Variants in COL6A3 observed in about 807,000 individuals in gnomAD.
The protein encoded by COL6A3 is collagen type VI alpha 3 chain.
A neutral mutation model predicts 274.1 loss-of-function variants in COL6A3; 137 were observed. That is an observed-to-expected ratio of 0.50 (90% CI 0.44 to 0.58). The LOEUF is 0.58. COL6A3 is among the 20% of genes least tolerant of loss of function. The pLI is 0.00. For missense variants in COL6A3, 3,950 were observed against 4,124.9 expected (o/e 0.96, Z 1.16); for synonymous variants, 1,650 against 1,650.6 (o/e 1.00, Z 0.01).
In COL6A3 at chr2:237,375,003, C is replaced by T. The variant is rs116238578; in HGVS notation, c.3088G>A (p.Val1030Met). 480 of 1,613,846 alleles carry T rather than the reference C, an allele frequency of 3.0e-4. 4 individuals carry two copies. The East Asian group carries it at 8.5e-3, about 29-fold the overall frequency. Residue 1030 changes from valine (V) to methionine (M), a missense_variant, in exon 8 of 44, where the codon GTG becomes ATG. Physicochemically the swap from Val to Met is conservative, Grantham distance 21. Transcript: ENST00000295550. The part of the protein sequence containing the change: ...APAPVSGEKD[V>M]VFLLDGSEGV... The stretch of plus-strand genomic sequence containing the variant: ...TCAGAGCCATCAAGCAGAAACACCA[C>T]GTCCTTTTCACCTGAAACTGGGAGG...
chr2:237,407,641 T>C lies in COL6A3; in HGVS notation c.-31+6312A>G, dbSNP rs187065348. On this transcript the variant is annotated intron_variant, in intron 1 of 43. Coordinates refer to ENST00000295550, the MANE Select transcript of COL6A3 (RefSeq NM_004369.4). The surrounding 1 kb of genome is among the most constrained non-coding windows in gnomAD (Gnocchi z 4.3). ...AAACTCCAGATTAATTACCCAGATA[T>C]TTGAAAAAATTACTTTAAAACATAT... is the stretch of plus-strand genomic sequence containing the variant. 2.0e-5 allele frequency among the ~76,000 whole-genome samples: 3 copies of C among 152,350 alleles called. No homozygotes were observed. The East Asian group carries it at 5.8e-4, about 29-fold the overall frequency.
intron 1 of COL6A3, among the ~76,000 whole-genome samples, chr2:237,412,848 G>A (rs576658738): frequency 6.6e-6 from 1 of 152,122 alleles, no homozygotes; most frequent in East Asian, 1.9e-4. Flanking sequence ...CCAGTCAGCC[G>A]GGGCCACAGC....
Position 237,364,448 on chromosome 2 carries a change from C to A in COL6A3, c.5839-20G>T. ...GACCACCTGCAGATAAGAGAGCTGTCAAATCCCAGGAAAACTAAAAAGGAG... is the reference window on the plus strand; with the variant it reads ...GACCACCTGCAGATAAGAGAGCTGTAAAATCCCAGGAAAACTAAAAAGGAG... On this transcript the variant is annotated intron_variant, in intron 12 of 43. Coordinates refer to ENST00000295550, the MANE Select transcript of COL6A3 (RefSeq NM_004369.4). This position sits in a 1 kb window ranked among gnomAD's most constrained non-coding sequence, Gnocchi z 4.6. The A allele has an allele frequency of 6.3e-7, 1 of 1,597,058 alleles. No homozygotes were observed. The highest frequency in any genetic ancestry group is 1.1e-5 in the South Asian group (1 of 90,754).
At chr2:237,396,143 T>C (rs2078435820) in intron 2 of COL6A3, among the ~76,000 whole-genome samples, 1 of 152,236 alleles carries the variant, frequency 6.6e-6, no homozygotes, top group Non-Finnish European at 1.5e-5. Flanking sequence ...ACCTGAGTCC[T>C]TTCCAGCTTG....
intron 1 of COL6A3, among the ~76,000 whole-genome samples, chr2:237,404,623 A>G (rs1277427602): frequency 2.6e-5 from 4 of 152,162 alleles, no homozygotes; most frequent in South Asian, 4.1e-4. Context: ...CTGTGCAGGG[A>G]GCATTGACAA....
At position 237,334,727 on chromosome 2, in the gene COL6A3, C is replaced by A; in HGVS notation, c.9128G>T (p.Arg3043Leu). The change falls in exon 41 of 44, where the codon CGC (arginine) becomes CTC (leucine). Residue 3043 changes from arginine to leucine, a missense_variant. Arg to Leu is a moderately radical substitution (Grantham distance 102). Transcript: ENST00000295550. ...VLKQNLTVTDRVIGGLLAGQT... is the reference protein window; with the variant it reads ...VLKQNLTVTDLVIGGLLAGQT... ...CCCAGCGAGCAGGCCTCCAATGACG[C>A]GGTCCGTGACCGTGAGGTTCTGCTT... The A allele has an allele frequency of 6.2e-7, 1 of 1,614,056 alleles. No individual in the cohort carries two copies. Among genetic ancestry groups the A allele is most frequent in the Non-Finnish European group, 8.5e-7 (1 of 1,180,030 alleles).
rs2106367128 is a variant in COL6A3, at chr2:237,379,002, G to C, written c.2131C>G (p.Leu711Val). 9.3e-6 allele frequency: 15 copies of C among 1,614,226 alleles called. No individual in the cohort carries two copies. Among genetic ancestry groups the C allele is most frequent in the Non-Finnish European group, 1.3e-5 (15 of 1,180,052 alleles). ...DILGHLRQLQ[L>V]QGGSGLNTGS... is the part of the protein sequence containing the mutation. ...GTGTTCAGGCCCGAACCTCCCTGGA[G>C]CTGCAGCTGCCTCAGATGACCAAGG... Residue 711 changes from leucine to valine, a missense_variant, in exon 6 of 44, where the codon CTC becomes GTC. Transcript: ENST00000295550.
At chr2:237,408,134 G>C (rs987791421) in intron 1 of COL6A3, among the ~76,000 whole-genome samples, 3 of 151,722 alleles carry the variant, frequency 2.0e-5, no homozygotes, top group Non-Finnish European at 4.4e-5. Flanking sequence ...AAGTAGAGAA[G>C]ATAAAATCAT....
intron 26 of COL6A3, 62 bp downstream of exon 26, chr2:237,352,460 G>T: frequency 6.7e-7 from 1 of 1,495,058 alleles, no homozygotes; most frequent in Non-Finnish European, 9.2e-7. Flanking sequence ...AACTCTCTCA[G>T]CCTGCTTGGC....
In COL6A3 at chr2:237,359,267, CG is replaced by C; in HGVS notation, c.6310-18del. On this transcript the variant is annotated intron_variant, in intron 18 of 43. Coordinates refer to ENST00000295550, the MANE Select transcript of COL6A3 (RefSeq NM_004369.4). ...TACTTCGCCCTAAGAGGGAATAAGG[CG>C]GACAGGTAAGTATAGAAAGCTATTC... is the stretch of plus-strand genomic sequence containing the variant. 1 of 1,614,138 alleles carries C rather than the reference CG, an allele frequency of 6.2e-7. No individual in the cohort carries two copies. The highest frequency in any genetic ancestry group is 8.5e-7 in the Non-Finnish European group (1 of 1,179,984).
At chr2:237,394,429 A>C (rs1012576647) in intron 3 of COL6A3, among the ~76,000 whole-genome samples, 158 bp downstream of exon 3, 16 of 152,200 alleles carry the variant, frequency 1.1e-4, no homozygotes, top group Non-Finnish European at 1.5e-5. Context: ...AAGACTATGG[A>C]AGAATATTCC....
chr2:237,358,392 G>T, intron 21 of COL6A3, 129 bp downstream of exon 21: 1 of 826,776 alleles, frequency 1.2e-6, no homozygotes, highest in South Asian at 1.4e-5. Context: ...GCAAGAAAAA[G>T]ACAAAGCACA....
At chr2:237,401,940 CT>C (rs1352471709) in intron 1 of COL6A3, among the ~76,000 whole-genome samples, 6 of 152,136 alleles carry the variant, frequency 3.9e-5, no homozygotes, top group Non-Finnish European at 8.8e-5. Context: ...CCACCTTAGC[CT>C]TCCTAAGTGC....
chr2:237,399,182 G>T (rs2078527416), intron 1 of COL6A3, among the ~76,000 whole-genome samples: 1 of 152,146 alleles, frequency 6.6e-6, no homozygotes, highest in South Asian at 2.1e-4. Flanking sequence ...TTTCAATCAA[G>T]TTCACCAGCC....
At chr2:237,376,640 A>G (rs2077847900) in intron 7 of COL6A3, 132 bp downstream of exon 7, 5 of 866,774 alleles carry the variant, frequency 5.8e-6, no homozygotes, top group African/African-American at 3.3e-5. Context: ...TGAAACCAGC[A>G]GGTGATTAAT....
rs748949004 is a variant in COL6A3 at position 237,371,993 on chromosome 2, G to A, written c.4024C>T (p.Leu1342Phe). Residue 1342 changes from leucine (L) to phenylalanine (F), a missense_variant, in exon 9 of 44, where the codon CTC becomes TTC. By Grantham distance (22) the Leu-to-Phe change is conservative (BLOSUM62 0). Coordinates refer to ENST00000295550, the MANE Select transcript of COL6A3 (RefSeq NM_004369.4). The surrounding 1 kb of genome is among the most constrained non-coding windows in gnomAD (Gnocchi z 4.3). ...TCGTCAGACTTTCCAGACGAGATGA[G>A]GACCAGGAACTGCGGGACGCCCTCT... ...IEEGVPQFLV[L>F]ISSGKSDDEV... 1.2e-6 allele frequency: 2 copies of A among 1,614,016 alleles called. No individual in the cohort carries two copies.
chr2:237,351,224 A>G (rs1574960934), intron 26 of COL6A3, 32 bp from the exon 27 acceptor site: 11 of 1,610,558 alleles, frequency 6.8e-6, no homozygotes, highest in Non-Finnish European at 9.3e-6. Flanking sequence ...GTGTCAGTGA[A>G]GTGGCCAACC....
At chr2:237,399,005 C>T (rs2078522021) in intron 1 of COL6A3, among the ~76,000 whole-genome samples, 1 of 152,206 alleles carries the variant, frequency 6.6e-6, no homozygotes, top group Non-Finnish European at 1.5e-5. Context: ...TGCTGATCCT[C>T]ATGCTTACAG....
intron 7 of COL6A3, 109 bp from the exon 8 acceptor site, chr2:237,375,129 C>G: frequency 5.3e-6 from 8 of 1,519,444 alleles, no homozygotes; most frequent in Non-Finnish European, 7.2e-6. Context: ...TCCAAATCCC[C>G]GAACTTGAGA....
Sources: gnomAD v4.1 joint callset for allele counts (sites outside exome capture counted in the v4.1 genomes callset) on GRCh38, gnomAD v4.1.1 for gene constraint, Gnocchi (gnomAD v3.1) non-coding constraint, MANE v1.5 for transcripts, NCBI Gene and HGNC (gene_info 2026-07-23, HGNC 2026-07-21) for gene names.